The following CENPP variants were observed in gnomAD, a reference collection of about 807,000 sequenced individuals.
CENPP encodes the protein centromere protein P.
CENPP carries 24 observed loss-of-function variants against 35.6 expected under a neutral mutation model. The ratio of observed to expected loss-of-function variants is 0.67; its 90% CI spans 0.49 to 0.95. The LOEUF is 0.95. CENPP is among the 40% of genes least tolerant of loss of function. The pLI is 0.00. For missense variants in CENPP, 332 were observed against 345.3 expected (o/e 0.96, Z 0.31); for synonymous variants, 120 against 125.5 (o/e 0.96, Z 0.29).
At chr9:92,342,155 G>A (rs75092780) in intron 3 of CENPP, among the ~76,000 whole-genome samples, 4,659 of 152,314 alleles carry the variant, frequency 0.031, 110 homozygotes, top group South Asian at 0.079. Flanking sequence ...AGCCTCGCCT[G>A]TTCTTTTAAA....
chr9:92,412,261 T>A (rs1843466109), intron 5 of CENPP, among the ~76,000 whole-genome samples: 1 of 151,928 alleles, frequency 6.6e-6, no homozygotes, highest in South Asian at 2.1e-4. Context: ...TAATTTTTAA[T>A]TTTTTTGTAG....
chr9:92,385,025 CATTT>C (rs1842366819), intron 5 of CENPP: 3 of 152,418 alleles, frequency 2.0e-5, no homozygotes, highest in African/African-American at 7.2e-5. Context: ...CAGAGAATAA[CATTT>C]ATTTTATTTG....
chr9:92,459,936 A>T (rs553003035), intron 5 of CENPP, among the ~76,000 whole-genome samples: 1 of 152,170 alleles, frequency 6.6e-6, no homozygotes, highest in Non-Finnish European at 1.5e-5. Flanking sequence ...TGTAACAACT[A>T]TCTTCCAGTT....
chr9:92,463,040 T>A (rs1845175886), intron 5 of CENPP, among the ~76,000 whole-genome samples: 1 of 152,166 alleles, frequency 6.6e-6, no homozygotes, highest in Non-Finnish European at 1.5e-5. Context: ...GCCTCTAGGA[T>A]AAAACGAGCA....
chr9:92,471,491 A>G (rs1845514438), intron 5 of CENPP, among the ~76,000 whole-genome samples: 1 of 151,952 alleles, frequency 6.6e-6, no homozygotes, highest in Non-Finnish European at 1.5e-5. Flanking sequence ...CACCGCACCC[A>G]GCCGGGTCTT....
At chr9:92,470,612 T>C in intron 5 of CENPP, 1 of 931,982 alleles carries the variant, frequency 1.1e-6, no homozygotes, top group South Asian at 1.7e-5. Context: ...TTAATCATTA[T>C]AGCAAAGATA....
intron 3 of CENPP, among the ~76,000 whole-genome samples, chr9:92,339,048 C>T (rs1204081423): frequency 6.6e-6 from 1 of 152,186 alleles, no homozygotes; most frequent in African/African-American, 2.4e-5. Context: ...GAGGAGAAAG[C>T]AGTTTCAACC....
In CENPP at chr9:92,551,944, TATATATATG is replaced by T. The variant is rs538677687; in HGVS notation, c.565-59361_565-59353del. 4.2e-4 allele frequency among the ~76,000 whole-genome samples: 55 copies of T among 130,012 alleles called. 1 individual carries two copies. The highest frequency in any genetic ancestry group is 1.7e-3 in the African/African-American group (51 of 30,614). The allele number at this position is 130,012 out of a possible 152,430, so 85.3% of individuals were successfully genotyped here. A position where few individuals can be genotyped will look rare whatever the true frequency, so the allele number is the denominator to read the frequency against. On this transcript the variant is annotated intron_variant, in intron 5 of 7. Coordinates refer to ENST00000375587, the MANE Select transcript of CENPP (RefSeq NM_001012267.3). ...GTGTGTGTATATATATATATATATA[TATATATATG>T]ATATATATATGTGTGATATATATGT... is the stretch of plus-strand genomic sequence containing the variant.
chr9:92,470,588 C>T (rs1845474432), intron 5 of CENPP: 1 of 722,532 alleles, frequency 1.4e-6, no homozygotes, highest in Non-Finnish European at 2.1e-6. Flanking sequence ...CTTGTTTATA[C>T]TAACATAGTA....
intron 5 of CENPP, among the ~76,000 whole-genome samples, chr9:92,409,393 T>C (rs1264767907): frequency 6.6e-6 from 1 of 152,236 alleles, no homozygotes; most frequent in Non-Finnish European, 1.5e-5. Flanking sequence ...AGAAAAATTA[T>C]GTAGAACAGA....
intron 5 of CENPP, chr9:92,496,271 A>G: frequency 6.5e-7 from 1 of 1,536,938 alleles, no homozygotes. Flanking sequence ...CAGCTACTAC[A>G]AATACATGAG....
At chr9:92,363,506 C>T (rs1459176387) in intron 4 of CENPP, among the ~76,000 whole-genome samples, 1 of 152,108 alleles carries the variant, frequency 6.6e-6, no homozygotes, top group African/African-American at 2.4e-5. Context: ...AGCAATAGGC[C>T]ATACCATATA....
chr9:92,386,270 G>A, intron 5 of CENPP: 2 of 1,613,274 alleles, frequency 1.2e-6, no homozygotes, highest in Non-Finnish European at 1.7e-6. Flanking sequence ...TATGGTCCAA[G>A]TAGAGGAAGG....
intron 5 of CENPP, among the ~76,000 whole-genome samples, chr9:92,446,625 A>G (rs967857979): frequency 2.0e-5 from 3 of 152,154 alleles, no homozygotes; most frequent in African/African-American, 7.2e-5. Context: ...TTCCTTCACT[A>G]ATAAGCATCA....
chr9:92,580,860 C>T (rs1219402167), intron 5 of CENPP, among the ~76,000 whole-genome samples: 2 of 152,138 alleles, frequency 1.3e-5, no homozygotes, highest in Non-Finnish European at 2.9e-5. Context: ...AATGTGTTTG[C>T]TCTTGCTTTT....
At chr9:92,565,365 T>TCATTCAAA (rs1371065036) in intron 5 of CENPP, among the ~76,000 whole-genome samples, 1 of 141,958 alleles carries the variant, frequency 7.0e-6, no homozygotes, top group Non-Finnish European at 1.5e-5. Flanking sequence ...GTGTTGGGCC[T>TCATTCAAA]CATTCAAAGT....
chr9:92,511,937 C>T, intron 5 of CENPP: 1 of 1,147,392 alleles, frequency 8.7e-7, no homozygotes, highest in Non-Finnish European at 1.2e-6. Flanking sequence ...CTTTTCCTCC[C>T]TTCCCCATCT....
intron 5 of CENPP, among the ~76,000 whole-genome samples, chr9:92,518,444 T>C (rs1847862022): frequency 6.6e-6 from 1 of 152,210 alleles, no homozygotes; most frequent in Non-Finnish European, 1.5e-5. Context: ...CTAGCACTAA[T>C]GATGAGCTCA....
chr9:92,418,306 C>G (rs991011224), intron 5 of CENPP, among the ~76,000 whole-genome samples: 4 of 151,756 alleles, frequency 2.6e-5, no homozygotes, highest in Non-Finnish European at 4.4e-5. Flanking sequence ...AGGCTGGTCT[C>G]TAACTCCTGA....
Sources: allele counts gnomAD v4.1 joint callset (sites outside exome capture counted in the v4.1 genomes callset), GRCh38; gene constraint gnomAD v4.1.1; transcripts MANE v1.5; gene names NCBI Gene and HGNC (gene_info 2026-07-23, HGNC 2026-07-21).